HNF4A: variants seen among roughly 807,000 people sequenced by gnomAD.
HNF4A encodes the protein hepatocyte nuclear factor 4 alpha, also known as hepatocyte nuclear factor 4-alpha.
Under a neutral mutation model 52.4 loss-of-function variants are expected in HNF4A, and 15 were observed. That is an observed-to-expected ratio of 0.29 (90% CI 0.19 to 0.44). The LOEUF is 0.44. Ranked by LOEUF, HNF4A falls within the 20% of genes least tolerant of loss-of-function variation. The probability of loss-of-function intolerance (pLI) is 1.00; values close to 1 mark genes in which losing one functional copy is unlikely to be tolerated. For synonymous variants in HNF4A, 280 were observed against 264.4 expected, an observed-to-expected ratio of 1.06 and a Z score of -0.57; for missense variants, 479 against 647.2, an observed-to-expected ratio of 0.74 and a Z score of 2.82.
intron 8 of HNF4A, among the ~76,000 whole-genome samples, chr20:44,426,997 C>T (rs562772542): frequency 2.6e-5 from 4 of 152,206 alleles, no homozygotes; most frequent in East Asian, 1.9e-4. Context: ...GATGACAAGG[C>T]GAGGGTGAGG....
At chr20:44,410,200 A>C (rs1286050000) in intron 3 of HNF4A, among the ~76,000 whole-genome samples, 1 of 152,230 alleles carries the variant, frequency 6.6e-6, no homozygotes. Context: ...GGGGGATGAG[A>C]GCCCCAGACC....
intron 3 of HNF4A, among the ~76,000 whole-genome samples, chr20:44,409,754 C>A (rs1380797001): frequency 6.6e-6 from 1 of 152,132 alleles, no homozygotes; most frequent in East Asian, 1.9e-4. Flanking sequence ...CCCTTCAGCC[C>A]TATGAGTCTC....
intron 1 of HNF4A, chr20:44,401,602 G>A: frequency 7.4e-7 from 1 of 1,354,086 alleles, no homozygotes; most frequent in Non-Finnish European, 1.0e-6. Flanking sequence ...AAAATGGTAG[G>A]TTGGTCCTAC....
Position 44,414,563 on chromosome 20 carries a change from C to T in HNF4A, c.549C>T (p.Ser183=). 6.2e-7 allele frequency: 1 copy of T among 1,614,254 alleles called. No homozygotes were observed. Among genetic ancestry groups the T allele is most frequent in the Non-Finnish European group, 8.5e-7 (1 of 1,180,050 alleles). Reference sequence around the variant, plus strand: ...ACATTCGGGCGAAGAAGATTGCCAGCATCGCAGATGTGTGTGAGTCCATGA... The same window carrying T: ...ACATTCGGGCGAAGAAGATTGCCAGTATCGCAGATGTGTGTGAGTCCATGA... The change falls in exon 5 of 10, where the codon AGC becomes AGT. Residue 183 remains serine, a synonymous_variant. Coordinates refer to ENST00000316099, the MANE Select transcript of HNF4A (RefSeq NM_000457.6).
chr20:44,405,106 AGCGTGTGT>A (rs1274227816), intron 1 of HNF4A, among the ~76,000 whole-genome samples: 2 of 4,166 alleles, frequency 4.8e-4, no homozygotes, highest in Admixed American at 2.6e-3. Context: ...GCTTGTGCGT[AGCGTGTGT>A]GCGTGTGTGT....
chr20:44,358,324 CCCAGGCTGGGTGCAGTGGCT>C (rs1037723109), intron 1 of HNF4A, among the ~76,000 whole-genome samples: 2 of 151,938 alleles, frequency 1.3e-5, no homozygotes, highest in Non-Finnish European at 2.9e-5. Flanking sequence ...AAACCCCTCT[CCCAGGCTGGGTGCAGTGGCT>C]CACGCCTGTA....
chr20:44,407,504 C>A, intron 3 of HNF4A, 29 bp downstream of exon 3: 1 of 1,434,444 alleles, frequency 7.0e-7, no homozygotes, highest in South Asian at 1.2e-5. Flanking sequence ...CGCCCCACCA[C>A]CACTGCCCCA....
intron 1 of HNF4A, among the ~76,000 whole-genome samples, chr20:44,357,187 G>C (rs1334653735): frequency 6.6e-6 from 1 of 152,134 alleles, no homozygotes; most frequent in Non-Finnish European, 1.5e-5. Context: ...AAATGGCAGA[G>C]GCTGAAGAAA....
At chr20:44,365,203 G>T (rs1600633027) in intron 1 of HNF4A, among the ~76,000 whole-genome samples, 1 of 151,514 alleles carries the variant, frequency 6.6e-6, no homozygotes. Context: ...ACAGGGTCTT[G>T]CTCTGTCATG....
In HNF4A at chr20:44,356,518, C is replaced by G. The variant is rs865919745; in HGVS notation, c.49+665C>G. ...GAAGACGGGTAAATAAAGCGTGAGA[C>G]GTCTTTACAGTGGAATGCTATCCCA... On this transcript the variant is annotated intron_variant, in intron 1 of 9. Transcript: ENST00000316673. Among the ~76,000 whole-genome samples the G allele has an allele frequency of 5.9e-5, 9 of 152,232 alleles. No individual in the cohort carries two copies. The South Asian group carries it at 8.3e-4, about 14-fold the overall frequency.
At chr20:44,376,705 T>A (rs2063089444) in intron 1 of HNF4A, among the ~76,000 whole-genome samples, 1 of 152,210 alleles carries the variant, frequency 6.6e-6, no homozygotes, top group South Asian at 2.1e-4. Context: ...TTGGTATTTA[T>A]CTGGTAATGT....
chr20:44,401,045 A>G (rs113076775), upstream of HNF4A, among the ~76,000 whole-genome samples: 1 of 152,016 alleles, frequency 6.6e-6, no homozygotes, highest in African/African-American at 2.4e-5. Flanking sequence ...TACAATTGAT[A>G]ACTGAACATC....
chr20:44,404,792 TCTGTGTG>T (rs1216126955), intron 1 of HNF4A, among the ~76,000 whole-genome samples: 2 of 133,482 alleles, frequency 1.5e-5, no homozygotes, highest in African/African-American at 2.9e-5. Flanking sequence ...TGTGCGTGTG[TCTGTGTG>T]GTGTGTGGAC....
chr20:44,423,052 C>A (rs1204152764), intron 7 of HNF4A, among the ~76,000 whole-genome samples: 1 of 152,190 alleles, frequency 6.6e-6, no homozygotes, highest in Non-Finnish European at 1.5e-5. Flanking sequence ...TGCAGTGGCT[C>A]ACGCCTGTAA....
At position 44,383,549 on chromosome 20, in the gene HNF4A, C is replaced by CTT. The variant is rs538493291; in HGVS notation, c.50-22492_50-22491dup. Among the ~76,000 whole-genome samples the CTT allele has an allele frequency of 8.5e-4, 117 of 137,574 alleles. 1 individual carries two copies. Among genetic ancestry groups the CTT allele is most frequent in the Admixed American group, 3.3e-3 (44 of 13,230 alleles). The allele number at this position is 137,574 out of a possible 152,430, so 90.3% of individuals were successfully genotyped here. On this transcript the variant is annotated intron_variant, in intron 1 of 9. Coordinates refer to the HNF4A transcript ENST00000316673. Reference sequence around the variant, plus strand: ...GATTGAGAAGTACTCTTGGGGACCTCTTTTTTTTTTTTTTTTTTAAATACG... The same window carrying CTT: ...GATTGAGAAGTACTCTTGGGGACCTCTTTTTTTTTTTTTTTTTTTTAAATACG...
chr20:44,433,947 ACAC>A (rs1467685362), downstream of HNF4A: 1 of 152,218 alleles, frequency 6.6e-6, no homozygotes, highest in Non-Finnish European at 1.5e-5. Context: ...CGGAGTGTTT[ACAC>A]CACAAGGACT....
intron 1 of HNF4A, among the ~76,000 whole-genome samples, chr20:44,404,876 A>G (rs1464516924): frequency 5.1e-5 from 2 of 39,602 alleles, no homozygotes; most frequent in African/African-American, 1.2e-4. Flanking sequence ...CGTGTGTGTG[A>G]CTGCTTGGTG....
chr20:44,402,619 A>G, intron 1 of HNF4A: 1 of 1,364,696 alleles, frequency 7.3e-7, no homozygotes, highest in Non-Finnish European at 9.8e-7. Context: ...GCATATCTGG[A>G]GGGGTGGACA....
intron 1 of HNF4A, among the ~76,000 whole-genome samples, chr20:44,382,923 C>T (rs56307709): frequency 0.15 from 22,121 of 152,172 alleles, 2,357 homozygotes; most frequent in East Asian, 0.39. Flanking sequence ...AATCCCAACA[C>T]TTTGAAGACT....
Sources: allele counts gnomAD v4.1 joint callset (sites outside exome capture counted in the v4.1 genomes callset), GRCh38; gene constraint gnomAD v4.1.1; transcripts MANE v1.5; gene names NCBI Gene and HGNC (gene_info 2026-07-23, HGNC 2026-07-21).